LIMCH1: variants seen among roughly 807,000 people sequenced by gnomAD.
The protein encoded by LIMCH1 is LIM and calponin homology domains-containing protein 1.
A neutral mutation model predicts 176.5 loss-of-function variants in LIMCH1; 113 were observed. The ratio of observed to expected loss-of-function variants is 0.64; its 90% CI spans 0.55 to 0.75. LIMCH1 has a LOEUF of 0.75. Ranked by LOEUF, LIMCH1 falls within the 30% of genes least tolerant of loss-of-function variation. The probability of loss-of-function intolerance (pLI) is 0.00; values close to 1 mark genes in which losing one functional copy is unlikely to be tolerated. For synonymous variants in LIMCH1, 619 were observed against 645.9 expected (o/e 0.96, Z 0.63); for missense variants, 1,674 against 1,814.9 (o/e 0.92, Z 1.41).
intron 23 of LIMCH1, among the ~76,000 whole-genome samples, chr4:41,679,662 C>T (rs1585814101): frequency 6.6e-6 from 1 of 152,134 alleles, no homozygotes; most frequent in African/African-American, 2.4e-5. Context: ...AATGGCAAAA[C>T]TCATCTCCAA....
chr4:41,487,793 C>T (rs2069939326), intron 1 of LIMCH1, among the ~76,000 whole-genome samples: 2 of 151,178 alleles, frequency 1.3e-5, no homozygotes, highest in African/African-American at 2.4e-5. Flanking sequence ...GCTGGGACTA[C>T]AGGCACCTGC....
chr4:41,631,406 T>C lies in LIMCH1; in HGVS notation c.1530T>C (p.Ser510=). The change falls in exon 10 of 32, where the codon TCT becomes TCC. Residue 510 remains serine, a synonymous_variant. Transcript: ENST00000503057. ...ATGGCAGCAAGATTCAAATGGACTC[T>C]GTGTCTCCTGTCTCAGCGGCCACTT... is the stretch of plus-strand genomic sequence containing the variant. The part of the protein sequence containing the change: ...ICHGSKIQMD[S]VSPVSAATSS... The C allele has an allele frequency of 1.3e-6, 2 of 1,535,738 alleles. No individual in the cohort carries two copies. The highest frequency in any genetic ancestry group is 2.4e-5 in the East Asian group (1 of 40,912).
intron 14 of LIMCH1, among the ~76,000 whole-genome samples, chr4:41,643,820 C>T (rs1223320372): frequency 6.6e-6 from 1 of 152,086 alleles, no homozygotes; most frequent in Non-Finnish European, 1.5e-5. Flanking sequence ...TCCAAGATGC[C>T]ATCAACTGCA....
chr4:41,428,803 G>A (rs1225548266), intron 1 of LIMCH1, among the ~76,000 whole-genome samples: 2 of 151,658 alleles, frequency 1.3e-5, no homozygotes, highest in Admixed American at 6.6e-5. Context: ...TCCTGGCAGT[G>A]AGTGAGAAGA....
intron 1 of LIMCH1, among the ~76,000 whole-genome samples, chr4:41,364,076 G>A (rs28446176): frequency 0.091 from 13,832 of 152,126 alleles, 1,107 homozygotes; most frequent in African/African-American, 0.21. Context: ...TTCCTTTACT[G>A]TGGTTCCAAA....
chr4:41,454,828 T>C (rs2064340947), intron 1 of LIMCH1, among the ~76,000 whole-genome samples: 1 of 152,178 alleles, frequency 6.6e-6, no homozygotes, highest in Non-Finnish European at 1.5e-5. Flanking sequence ...CAATGCTCAG[T>C]GGTGAGAAGA....
intron 1 of LIMCH1, among the ~76,000 whole-genome samples, chr4:41,543,756 G>A (rs995091143): frequency 7.2e-5 from 11 of 152,086 alleles, no homozygotes; most frequent in African/African-American, 1.7e-4. Context: ...AAACAAAGGC[G>A]CCTCTGTGTT....
At chr4:41,621,183 T>A (rs2092551438) in intron 7 of LIMCH1, among the ~76,000 whole-genome samples, 1 of 152,198 alleles carries the variant, frequency 6.6e-6, no homozygotes, top group African/African-American at 2.4e-5. Flanking sequence ...GAATTGGGTT[T>A]ATTTGACTCC....
chr4:41,630,587 A>G (rs1456214975), intron 9 of LIMCH1, among the ~76,000 whole-genome samples: 1 of 152,220 alleles, frequency 6.6e-6, no homozygotes, highest in Non-Finnish European at 1.5e-5. Context: ...GCTTAAAGAC[A>G]AGGTAATGAT....
intron 20 of LIMCH1, among the ~76,000 whole-genome samples, chr4:41,663,574 G>C (rs1481885928): frequency 6.6e-6 from 1 of 152,074 alleles, no homozygotes; most frequent in African/African-American, 2.4e-5. Context: ...GATATAATAG[G>C]TTTTAAAGTC....
intron 2 of LIMCH1, among the ~76,000 whole-genome samples, chr4:41,504,916 C>G (rs2073950415): frequency 6.6e-6 from 1 of 152,138 alleles, no homozygotes; most frequent in South Asian, 2.1e-4. Flanking sequence ...AGGGTTCAAC[C>G]TAGTAGATGG....
At chr4:41,426,773 C>T (rs558519647) in intron 1 of LIMCH1, among the ~76,000 whole-genome samples, 6 of 152,350 alleles carry the variant, frequency 3.9e-5, no homozygotes, top group South Asian at 4.1e-4. Flanking sequence ...CAAACTTCTT[C>T]AGCCTTGCTG....
At chr4:41,596,700 G>A (rs2088895754) in intron 1 of LIMCH1, among the ~76,000 whole-genome samples, 1 of 152,088 alleles carries the variant, frequency 6.6e-6, no homozygotes. Flanking sequence ...CAAGAAAGTG[G>A]AAAACTGCAA....
chr4:41,627,636 C>T (rs902754202), intron 8 of LIMCH1, among the ~76,000 whole-genome samples: 2 of 152,126 alleles, frequency 1.3e-5, no homozygotes, highest in South Asian at 4.1e-4. Context: ...CAACATTTTC[C>T]CCGTCCTCTT....
chr4:41,566,786 T>G (rs2082835524), intron 1 of LIMCH1, among the ~76,000 whole-genome samples: 1 of 152,216 alleles, frequency 6.6e-6, no homozygotes, highest in African/African-American at 2.4e-5. Flanking sequence ...TTATACCCCA[T>G]TAAAGCTGGG....
chr4:41,534,225 T>G (rs1463793186), upstream of LIMCH1, among the ~76,000 whole-genome samples: 1 of 152,154 alleles, frequency 6.6e-6, no homozygotes, highest in Non-Finnish European at 1.5e-5. Context: ...AGGATTTACT[T>G]TTCACTAAAT....
intron 7 of LIMCH1, among the ~76,000 whole-genome samples, chr4:41,625,366 T>C (rs2092878167): frequency 6.6e-6 from 1 of 152,134 alleles, no homozygotes; most frequent in African/African-American, 2.4e-5. Flanking sequence ...ATTATAAAAG[T>C]CATTTAAGTA....
In LIMCH1 at chr4:41,684,379, A is replaced by T. The variant is rs746173430; in HGVS notation, c.3846-18A>T. 1.7e-5 allele frequency: 28 copies of T among 1,612,288 alleles called. No homozygotes were observed. Among genetic ancestry groups the T allele is most frequent in the Non-Finnish European group, 2.4e-5 (28 of 1,179,234 alleles). On this transcript the variant is annotated intron_variant, in intron 26 of 31. Coordinates refer to ENST00000503057, the MANE Select transcript of LIMCH1 (RefSeq NM_001330672.2). ...TACTTTTCTCTCTGCTCTGAAGTAT[A>T]CCTCTTTATTTTAACAGCCTAACTG... is the stretch of plus-strand genomic sequence containing the variant.
chr4:41,476,089 A>G (rs896027511), intron 1 of LIMCH1, among the ~76,000 whole-genome samples: 2 of 152,188 alleles, frequency 1.3e-5, no homozygotes, highest in African/African-American at 4.8e-5. Flanking sequence ...CTCCTGCCTC[A>G]GCCTTTCAAA....
Sources: allele counts gnomAD v4.1 joint callset (sites outside exome capture counted in the v4.1 genomes callset), GRCh38; gene constraint gnomAD v4.1.1; transcripts MANE v1.5; gene names NCBI Gene and HGNC (gene_info 2026-07-23, HGNC 2026-07-21).